ARFGAP2: variants seen among roughly 807,000 people sequenced by gnomAD.
ARFGAP2 encodes ADP-ribosylation factor GTPase-activating protein 2.
A neutral mutation model predicts 71.9 loss-of-function variants in ARFGAP2; 45 were observed. The ratio of observed to expected loss-of-function variants is 0.63; its 90% confidence interval spans 0.49 to 0.80. ARFGAP2 has a LOEUF of 0.80. Ranked by LOEUF, ARFGAP2 falls within the 30% of genes least tolerant of loss-of-function variation. The pLI, the probability that ARFGAP2 is intolerant of heterozygous loss-of-function variation, is 0.00. For missense variants in ARFGAP2, 633 were observed against 673.9 expected (o/e 0.94, Z 0.67); for synonymous variants, 248 against 249.2 (o/e 1.00, Z 0.05).
In ARFGAP2 at chr11:47,171,547, T is replaced by G; in HGVS notation, c.820A>C (p.Met274Leu). ...TGGAGCTCCTGGTAGGCCAGACGCA[T>G]GGAGGCGACCCTTAGGGGGAACAAA... ...KQAEESMVAS[M>L]RLAYQELQID... Residue 274 changes from methionine (M) to leucine (L), a missense_variant, in exon 10 of 16, where the codon ATG (methionine) becomes CTG (leucine). Met to Leu is a conservative substitution (Grantham distance 15). Coordinates refer to ENST00000524782, the MANE Select transcript of ARFGAP2 (RefSeq NM_032389.6). 5.6e-6 allele frequency: 9 copies of G among 1,614,218 alleles called. No homozygotes were observed. Among genetic ancestry groups the G allele is most frequent in the Non-Finnish European group, 7.6e-6 (9 of 1,180,048 alleles).
Position 47,165,448 on chromosome 11 carries a change from G to C in ARFGAP2, c.*34C>G. 6.4e-7 allele frequency: 1 copy of C among 1,565,862 alleles called. No individual in the cohort carries two copies. Among genetic ancestry groups the C allele is most frequent in the Non-Finnish European group, 8.7e-7 (1 of 1,155,532 alleles). On this transcript the variant is annotated 3_prime_UTR_variant, in exon 16 of 16. Coordinates refer to ENST00000524782, the MANE Select transcript of ARFGAP2 (RefSeq NM_032389.6). ...TGGGAACTGTGGAGTTCTTGTTGCC[G>C]TCACCATCGTAAGCCTGAGTCACAG... is the stretch of plus-strand genomic sequence containing the variant.
rs1952469253 is a variant in ARFGAP2 at position 47,168,311 on chromosome 11, A to C, written c.942-60T>G. 7 of 1,604,964 alleles carry C rather than the reference A, an allele frequency of 4.4e-6. No individual in the cohort carries two copies. In the East Asian group the frequency reaches 1.3e-4, roughly 31 times the overall value. On this transcript the variant is annotated intron_variant, in intron 10 of 15. Transcript: ENST00000524782. Reference sequence around the variant, plus strand: ...AGGATAGGCATCAGCATCACCGCACAAGAGACAATGCCCAGCAACTGGGTT... The same window carrying C: ...AGGATAGGCATCAGCATCACCGCACCAGAGACAATGCCCAGCAACTGGGTT...
chr11:47,174,180 C>T (rs968465113), intron 5 of ARFGAP2, among the ~76,000 whole-genome samples: 2 of 152,094 alleles, frequency 1.3e-5, no homozygotes, highest in African/African-American at 2.4e-5. Context: ...GGAGCTACAT[C>T]GCCATTTTAG....
At chr11:47,174,092 T>G in intron 5 of ARFGAP2, 1 of 582,458 alleles carries the variant, frequency 1.7e-6, no homozygotes, top group Non-Finnish European at 3.0e-6. Flanking sequence ...GACAGTTAAC[T>G]ACCACCACCT....
At position 47,176,822 on chromosome 11, in the gene ARFGAP2, T is replaced by C; in HGVS notation, c.32A>G (p.Gln11Arg). The stretch of plus-strand genomic sequence containing the variant: ...TGCGCGAAGCCTCTTAAAAAGAGTC[T>C]GGATTTCGGTCTTGTTCGGCTCCGC... MAAEPNKTEI[Q>R]TLFKRLRAVP... is the part of the protein sequence containing the mutation. The change falls in exon 1 of 16, where the codon CAG (glutamine) becomes CGG (arginine). Residue 11 changes from glutamine (Q) to arginine (R), a missense_variant. Coordinates refer to ENST00000524782, the MANE Select transcript of ARFGAP2 (RefSeq NM_032389.6). The C allele has an allele frequency of 6.2e-7, 1 of 1,614,018 alleles. No homozygotes were observed. Among genetic ancestry groups the C allele is most frequent in the Non-Finnish European group, 8.5e-7 (1 of 1,180,028 alleles).
rs761258363 is a variant in ARFGAP2, at chr11:47,175,427, TACACGCTACTG to T, written c.265-125_265-115del. On this transcript the variant is annotated intron_variant, in intron 3 of 15. Coordinates refer to ENST00000524782, the MANE Select transcript of ARFGAP2 (RefSeq NM_032389.6). ...CGAAGTTATTATCTATACAGGATGATACACGCTACTGACACCGGTTTTTCAGAGATAAAGTT... is the reference window on the plus strand; with the variant it reads ...CGAAGTTATTATCTATACAGGATGATACACCGGTTTTTCAGAGATAAAGTT... 1.7e-5 allele frequency: 25 copies of T among 1,503,128 alleles called. No individual in the cohort carries two copies. In the African/African-American group the frequency reaches 2.5e-4, roughly 15 times the overall value. The allele number at this position is 1,503,128 out of a possible 1,614,324, so 93.1% of individuals were successfully genotyped here.
At chr11:47,173,288 T>C in intron 7 of ARFGAP2, 138 bp downstream of exon 7, 1 of 1,008,786 alleles carries the variant, frequency 9.9e-7, no homozygotes, top group Non-Finnish European at 1.5e-6. Context: ...TCAATCACAG[T>C]CCCCACTCCA....
chr11:47,172,776 T>A, intron 7 of ARFGAP2: 2 of 1,291,610 alleles, frequency 1.5e-6, no homozygotes, highest in African/African-American at 3.0e-5. Flanking sequence ...GACTTGTGGC[T>A]AACAAGAGGC....
chr11:47,165,594 C>T, intron 15 of ARFGAP2, 92 bp from the exon 16 acceptor site: 1 of 1,354,620 alleles, frequency 7.4e-7, no homozygotes, highest in Non-Finnish European at 9.9e-7. Context: ...CCCAGCACCC[C>T]ACAGCAAGAC....
In ARFGAP2 at chr11:47,166,359, G is replaced by A; in HGVS notation, c.1454C>T (p.Pro485Leu). ...AGSVSLGNVL[P>L]TADIAQFKQG... ...CTTAAACTGGGCAATGTCCGCTGTA[G>A]GCAGCACGTTCCCCAGAGATACACT... The change falls in exon 15 of 16, where the codon CCT becomes CTT. Residue 485 changes from proline to leucine, a missense_variant. Physicochemically the swap from Pro to Leu is moderately conservative, Grantham distance 98. Transcript: ENST00000524782. The A allele has an allele frequency of 6.2e-7, 1 of 1,614,216 alleles. No individual in the cohort carries two copies. The highest frequency in any genetic ancestry group is 8.5e-7 in the Non-Finnish European group (1 of 1,180,040).
intron 15 of ARFGAP2, 104 bp from the exon 16 acceptor site, chr11:47,165,606 G>T (rs915886100): frequency 1.8e-5 from 23 of 1,284,802 alleles, no homozygotes; most frequent in Non-Finnish European, 2.4e-5. Flanking sequence ...CAGCAAGACT[G>T]GGGAGGCAGG....
Position 47,175,290 on chromosome 11 carries a change from T to C in ARFGAP2, c.288A>G (p.Gly96=). Residue 96 remains glycine, a synonymous_variant, in exon 4 of 16, where the codon GGA becomes GGG. Coordinates refer to ENST00000524782, the MANE Select transcript of ARFGAP2 (RefSeq NM_032389.6). ...ANATAFFRQH[G]CTANDANTKY... ...TGGTGTTGGCATCATTGGCTGTGCA[T>C]CCATGTTGGCGAAAAAAAGCCGTCT... The C allele has an allele frequency of 6.8e-6, 11 of 1,614,050 alleles. No homozygotes were observed. The highest frequency in any genetic ancestry group is 9.3e-6 in the Non-Finnish European group (11 of 1,180,018).
At chr11:47,173,730 C>T (rs761308834) in intron 6 of ARFGAP2, 29 bp downstream of exon 6, 8 of 1,573,730 alleles carry the variant, frequency 5.1e-6, no homozygotes, top group Non-Finnish European at 6.0e-6. Flanking sequence ...AGGACCAGGG[C>T]ACCTGGTTGG....
At chr11:47,174,167 G>A in intron 5 of ARFGAP2, among the ~76,000 whole-genome samples, 1 of 152,136 alleles carries the variant, frequency 6.6e-6, no homozygotes, top group East Asian at 1.9e-4. Flanking sequence ...CAACCCCTAT[G>A]AAGGAGCTAC....
rs1952281900 is a variant in ARFGAP2, at chr11:47,164,681, A to T, written c.*801T>A. ...CCAGCATCAAGCTCACAGCATCCAG[A>T]GTCGAATCACAGCAGACAAGACCCT... On this transcript the variant is annotated 3_prime_UTR_variant, in exon 16 of 16. Transcript: ENST00000524782. 2 of 158,754 alleles carry T rather than the reference A, an allele frequency of 1.3e-5. No homozygotes were observed. 9.8% of individuals were successfully genotyped at this position (158,754 alleles called of 1,614,324 possible). A position where few individuals can be genotyped will look rare whatever the true frequency, so the allele number is the denominator to read the frequency against.
rs1952269892 is a variant in ARFGAP2, at chr11:47,164,368, A to C, written c.*1114T>G. The stretch of plus-strand genomic sequence containing the variant: ...TTTTGACACCACTTTGTTTCAATAC[A>C]AACAGTCCAGAAAGAAAGTCAAGTC... On this transcript the variant is annotated 3_prime_UTR_variant, in exon 16 of 16. Transcript: ENST00000524782. 7.6e-6 allele frequency: 9 copies of C among 1,191,938 alleles called. No homozygotes were observed. The highest frequency in any genetic ancestry group is 3.0e-5 in the Admixed American group (1 of 33,606). 73.8% of individuals were successfully genotyped at this position (1,191,938 alleles called of 1,614,324 possible).
chr11:47,175,805 A>G, intron 3 of ARFGAP2, 46 bp downstream of exon 3: 1 of 1,611,328 alleles, frequency 6.2e-7, no homozygotes, highest in Non-Finnish European at 8.5e-7. Context: ...CAAAGTTAGT[A>G]ACCAGGCAGA....
rs766571230 is a variant in ARFGAP2, at chr11:47,176,765, G to C, written c.72+17C>G. ...CCCAGCGGGACGAGAGACTCCGCGCGCCCCCTGCTCACGCACCTTGTTGGT... is the reference window on the plus strand; with the variant it reads ...CCCAGCGGGACGAGAGACTCCGCGCCCCCCCTGCTCACGCACCTTGTTGGT... On this transcript the variant is annotated intron_variant, in intron 1 of 15. Coordinates refer to ENST00000524782, the MANE Select transcript of ARFGAP2 (RefSeq NM_032389.6). The C allele has an allele frequency of 1.9e-6, 3 of 1,613,716 alleles. No individual in the cohort carries two copies. The African/African-American group carries it at 4.0e-5, about 22-fold the overall frequency.
At chr11:47,169,529 G>A (rs1025679088) in intron 10 of ARFGAP2, 23 of 151,872 alleles carry the variant, frequency 1.5e-4, no homozygotes, top group Non-Finnish European at 4.4e-5. Flanking sequence ...ATAGCTTTTA[G>A]CTAGAAGAAC....
Sources: allele counts gnomAD v4.1 joint callset (sites outside exome capture counted in the v4.1 genomes callset), GRCh38; gene constraint gnomAD v4.1.1; transcripts MANE v1.5; gene names NCBI Gene and HGNC (gene_info 2026-07-23, HGNC 2026-07-21).